HAUS7: variants seen among roughly 807,000 people sequenced by gnomAD.
HAUS7 encodes the protein HAUS augmin like complex subunit 7.
A neutral mutation model predicts 28.4 loss-of-function variants in HAUS7; 3 were observed. The ratio of observed to expected loss-of-function variants is 0.11; its 90% CI spans 0.05 to 0.27. The LOEUF is 0.27. HAUS7 is among the 10% of genes least tolerant of loss of function. The pLI is 1.00. For synonymous variants in HAUS7, 165 were observed against 132.1 expected (o/e 1.25, Z -1.71); for missense variants, 284 against 297.3 (o/e 0.96, Z 0.33).
chrX:153,477,251 A>G (rs1347757620), intron 1 of HAUS7, among the ~76,000 whole-genome samples: 2 of 113,468 alleles, frequency 1.8e-5, no homozygotes, highest in Non-Finnish European at 3.7e-5. Context: ...GCTAATGGGA[A>G]CCAGATGGCA....
chrX:153,468,587 G>A (rs909356961), intron 2 of HAUS7, among the ~76,000 whole-genome samples: 1 of 112,294 alleles, frequency 8.9e-6, no homozygotes, highest in Non-Finnish European at 1.9e-5. Context: ...GGCTTCATAG[G>A]GTGCCAGGCA....
intron 4 of HAUS7, chrX:153,462,149 G>T: frequency 2.0e-6 from 2 of 1,022,799 alleles, no homozygotes; most frequent in South Asian, 2.6e-5. Flanking sequence ...CATAATCATC[G>T]AGTGAAAACA....
chrX:153,469,071 C>T, intron 2 of HAUS7, 75 bp downstream of exon 2: 1 of 581,252 alleles, frequency 1.7e-6, no homozygotes, highest in Non-Finnish European at 3.0e-6. Flanking sequence ...AACCACAAAC[C>T]CCATCTTCCC....
intron 1 of HAUS7, chrX:153,481,845 C>T: frequency 9.3e-6 from 7 of 756,177 alleles, no homozygotes; most frequent in Non-Finnish European, 1.1e-5. Flanking sequence ...CCACACGTTC[C>T]TGGGGCTGCC....
At chrX:153,466,832 C>T (rs1365035516) in intron 2 of HAUS7, among the ~76,000 whole-genome samples, 5 of 112,401 alleles carry the variant, frequency 4.4e-5, no homozygotes, top group Admixed American at 1.9e-4. Context: ...GCCGATATGA[C>T]GCTCAAAGGA....
In HAUS7 at chrX:153,456,603, C is replaced by T. The variant is rs141525337; in HGVS notation, c.495G>A (p.Leu165=). ...GGTGGGGGCTAGAGAAGAGCTCCCC[C>T]AGCAAGGCCTCGTTCTTCTCCCTGG... ...EDTREKNEAL[L]GELFSSPHLQ... The change falls in exon 6 of 10, where the codon CTG becomes CTA. Residue 165 remains leucine, a synonymous_variant. Transcript: ENST00000370211. The T allele has an allele frequency of 4.5e-4, 533 of 1,180,825 alleles. 2 individuals are homozygous for T. In the African/African-American group the frequency reaches 8.7e-3, roughly 19 times the overall value.
chrX:153,472,042 T>C (rs1195668982), upstream of HAUS7, among the ~76,000 whole-genome samples: 3 of 111,895 alleles, frequency 2.7e-5, no homozygotes, highest in Admixed American at 1.9e-4. Flanking sequence ...TTCAAATTCT[T>C]GTGGGTTTTT....
chrX:153,452,332 G>T (rs1418888589), intron 9 of HAUS7, among the ~76,000 whole-genome samples: 4 of 111,416 alleles, frequency 3.6e-5, no homozygotes, highest in Non-Finnish European at 7.6e-5. Context: ...AAGAAATAAA[G>T]AACTCCAACA....
rs2089177296 is a variant in HAUS7, at chrX:153,447,688, T to C, written c.*190A>G. 1 of 563,658 alleles carries C rather than the reference T, an allele frequency of 1.8e-6. No homozygotes were observed. The highest frequency in any genetic ancestry group is 3.3e-5 in the East Asian group (1 of 30,711). The allele number at this position is 563,658 out of a possible 1,213,427, so 46.5% of individuals were successfully genotyped here. ...ACTGCTTAGAAACCAAGGCTTTCTTTGTGTCCAAGTCAAACCGCCCGTCTG... is the reference window on the plus strand; with the variant it reads ...ACTGCTTAGAAACCAAGGCTTTCTTCGTGTCCAAGTCAAACCGCCCGTCTG... On this transcript the variant is annotated 3_prime_UTR_variant, in exon 10 of 10. Transcript: ENST00000370211.
intron 4 of HAUS7, chrX:153,462,136 A>G (rs1028659739): frequency 1.1e-4 from 110 of 1,038,481 alleles, no homozygotes; most frequent in Non-Finnish European, 9.5e-5. Context: ...TAGTAGCATT[A>G]CTCATAATCA....
At chrX:153,453,369 T>C (rs1319986221) in intron 9 of HAUS7, among the ~76,000 whole-genome samples, 1 of 111,972 alleles carries the variant, frequency 8.9e-6, no homozygotes. Context: ...TACACAACTC[T>C]GTGAATATCC....
At chrX:153,477,496 C>A (rs2089569982) in intron 1 of HAUS7, among the ~76,000 whole-genome samples, 2 of 113,157 alleles carry the variant, frequency 1.8e-5, no homozygotes, top group African/African-American at 6.4e-5. Context: ...TTGGGTGAGC[C>A]CCACTCCTTC....
At chrX:153,454,577 A>T in intron 8 of HAUS7, 69 bp from the exon 9 acceptor site, 1 of 610,534 alleles carries the variant, frequency 1.6e-6, no homozygotes, top group Non-Finnish European at 2.6e-6. Flanking sequence ...CGCTGGTCTC[A>T]CGTAGCGACG....
intron 1 of HAUS7, among the ~76,000 whole-genome samples, chrX:153,489,114 G>A (rs1195609341): frequency 8.9e-6 from 1 of 112,683 alleles, no homozygotes; most frequent in Non-Finnish European, 1.9e-5. Context: ...TGGGGCAAAG[G>A]GACTGGGCCT....
chrX:153,470,476 C>T lies in HAUS7; in HGVS notation c.82G>A (p.Ala28Thr). 1.7e-6 allele frequency: 2 copies of T among 1,208,894 alleles called. No homozygotes were observed. The highest frequency in any genetic ancestry group is 3.5e-5 in the South Asian group (2 of 56,671). The change falls in exon 1 of 10, where the codon GCT (alanine) becomes ACT (threonine). Residue 28 changes from alanine (A) to threonine (T), a missense_variant. Physicochemically the swap from Ala to Thr is moderately conservative, Grantham distance 58. Coordinates refer to ENST00000370211, the MANE Select transcript of HAUS7 (RefSeq NM_001385482.1). ...DEGDSSVSRA[A>T]VEVFGKLKDL... is the part of the protein sequence containing the mutation. ...TTCAGCTTCCCGAACACCTCCACAG[C>T]CGCCCTGGACACGCTGCTGTCGCCC...
At chrX:153,492,035 C>T (rs1326681674) in intron 1 of HAUS7, among the ~76,000 whole-genome samples, 2 of 112,531 alleles carry the variant, frequency 1.8e-5, no homozygotes, top group Admixed American at 9.3e-5. Context: ...CCCTGTCTGC[C>T]GCGGGTTCCT....
rs782353201 is a variant in HAUS7, at chrX:153,465,014, C to A, written c.266G>T (p.Gly89Val). The A allele has an allele frequency of 3.2e-5, 38 of 1,200,761 alleles. No homozygotes were observed. The African/African-American group carries it at 5.3e-4, about 17-fold the overall frequency. Residue 89 changes from glycine to valine, a missense_variant, in exon 3 of 10, where the codon GGG becomes GTG. Physicochemically the swap from Gly to Val is moderately radical, Grantham distance 109. Transcript: ENST00000370211. The part of the protein sequence containing the change: ...SLQDRFSSLK[G>V]VPTEVKIQEM... ...TTGGATCTTCACCTCTGTTGGGACC[C>A]CTTTCAGTGAGCTGAACCTGTCCTG...
intron 1 of HAUS7, among the ~76,000 whole-genome samples, chrX:153,489,525 G>A (rs1556989213): frequency 8.9e-6 from 1 of 112,691 alleles, no homozygotes; most frequent in Non-Finnish European, 1.9e-5. Context: ...CAGGATAGGT[G>A]TGACTAGGGT....
chrX:153,494,047 C>T (rs1394915702), intron 1 of HAUS7, among the ~76,000 whole-genome samples: 1 of 112,308 alleles, frequency 8.9e-6, no homozygotes, highest in African/African-American at 3.2e-5. Flanking sequence ...TCAGGAGCTG[C>T]TCTTGCTGAG....
Sources: allele counts gnomAD v4.1 joint callset (sites outside exome capture counted in the v4.1 genomes callset), GRCh38; gene constraint gnomAD v4.1.1; transcripts MANE v1.5; gene names NCBI Gene and HGNC (gene_info 2026-07-23, HGNC 2026-07-21).